Variants in CACNA1E observed in about 807,000 individuals in gnomAD.
CACNA1E encodes calcium voltage-gated channel subunit alpha1 E, also known as voltage-dependent R-type calcium channel subunit alpha-1E.
Under a neutral mutation model 259.2 loss-of-function variants are expected in CACNA1E, and 40 were observed. The ratio of observed to expected loss-of-function variants is 0.15; its 90% CI spans 0.12 to 0.20. CACNA1E has a LOEUF of 0.20. Ranked by LOEUF, CACNA1E falls within the 10% of genes least tolerant of loss-of-function variation. CACNA1E has a pLI of 1.00. For synonymous variants in CACNA1E, 1,104 were observed against 1,138.5 expected, an observed-to-expected ratio of 0.97 and a Z score of 0.61; for missense variants, 1,874 against 3,040.1, an observed-to-expected ratio of 0.62 and a Z score of 9.02.
At chr1:181,594,315 T>C (rs1652947276) in intron 6 of CACNA1E, among the ~76,000 whole-genome samples, 1 of 152,234 alleles carries the variant, frequency 6.6e-6, no homozygotes, top group Admixed American at 6.5e-5. Context: ...ATGTAACCTG[T>C]CATTGAAGAA....
rs1661525281 is a variant in CACNA1E, at chr1:181,793,673, G to A, written c.5907G>A (p.Glu1969=). The change falls in exon 45 of 48, where the codon GAG becomes GAA. Residue 1969 remains glutamate, a synonymous_variant. Coordinates refer to ENST00000367573, the MANE Select transcript of CACNA1E (RefSeq NM_001205293.3). ...TGTGTGTTTATTTCCAGGAGCCAGA[G>A]GTTAGTGAATTAAAAAGCGTGCAGC... The part of the protein sequence containing the change: ...QFQERQSLEP[E]VSELKSVQPS... 1.9e-6 allele frequency: 3 copies of A among 1,609,946 alleles called. No individual in the cohort carries two copies. The highest frequency in any genetic ancestry group is 2.5e-6 in the Non-Finnish European group (3 of 1,178,752).
chr1:181,524,588 C>T (rs1276633956), intron 3 of CACNA1E, among the ~76,000 whole-genome samples: 1 of 152,236 alleles, frequency 6.6e-6, no homozygotes, highest in Non-Finnish European at 1.5e-5. Flanking sequence ...TGGCTTCCCT[C>T]CACTTGGTGA....
At chr1:181,741,429 CCCT>C (rs1210465550) in intron 25 of CACNA1E, among the ~76,000 whole-genome samples, 4 of 152,162 alleles carry the variant, frequency 2.6e-5, no homozygotes, top group Non-Finnish European at 5.9e-5. Context: ...ATGTTGATTC[CCCT>C]CCTCATCCTT....
chr1:181,384,514 G>A (rs375885021), intron 1 of CACNA1E, among the ~76,000 whole-genome samples: 7 of 152,236 alleles, frequency 4.6e-5, no homozygotes, highest in Admixed American at 2.0e-4. Context: ...CAGGGTTCTC[G>A]TTTCTTCTCC....
At chr1:181,410,557 C>T (rs1017448936) in intron 1 of CACNA1E, among the ~76,000 whole-genome samples, 2 of 152,168 alleles carry the variant, frequency 1.3e-5, no homozygotes, top group African/African-American at 4.8e-5. Context: ...CAGGCTTTAT[C>T]ATGTATGCGC....
chr1:181,335,216 T>C (rs895907445), intron 1 of CACNA1E, among the ~76,000 whole-genome samples: 1 of 152,212 alleles, frequency 6.6e-6, no homozygotes, highest in Non-Finnish European at 1.5e-5. Flanking sequence ...ATCCACACTG[T>C]CTTTCCTCTG....
In CACNA1E at chr1:181,800,400, T is replaced by A. The variant is rs1662186282; in HGVS notation, c.*1566T>A. The A allele has an allele frequency of 6.6e-6, 1 of 152,646 alleles. No homozygotes were observed. Among genetic ancestry groups the A allele is most frequent in the African/African-American group, 2.4e-5 (1 of 41,456 alleles). The allele number at this position is 152,646 out of a possible 1,614,324, so 9.5% of individuals were successfully genotyped here. A position where few individuals can be genotyped will look rare whatever the true frequency, so the allele number is the denominator to read the frequency against. ...CCTAATAGCCCAAACGCAGAAGCAC[T>A]GAGCAAGAGAGCCCTTTCTTGCCAA... On this transcript the variant is annotated 3_prime_UTR_variant, in exon 48 of 48. Coordinates refer to ENST00000367573, the MANE Select transcript of CACNA1E (RefSeq NM_001205293.3).
In CACNA1E at chr1:181,733,565, C is replaced by T; in HGVS notation, c.3077C>T (p.Pro1026Leu). ...CACGTGGTGCTGACGGAGCAGGAGC[C>T]AGAAGGCAGCAGTGAGCAGGCCCTG... ...GKHVVLTEQE[P>L]EGSSEQALLG... is the part of the protein sequence containing the mutation. The change falls in exon 21 of 48, where the codon CCA (proline) becomes CTA (leucine). Residue 1026 changes from proline (P) to leucine (L), a missense_variant. Pro to Leu is a moderately conservative substitution (Grantham distance 98). This residue lies in a region of CACNA1E where 476 missense variants were observed against 514.0 expected (regional missense o/e 0.93). Coordinates refer to ENST00000367573, the MANE Select transcript of CACNA1E (RefSeq NM_001205293.3). 1 of 1,612,994 alleles carries T rather than the reference C, an allele frequency of 6.2e-7. No homozygotes were observed. Among genetic ancestry groups the T allele is most frequent in the Non-Finnish European group, 8.5e-7 (1 of 1,179,466 alleles).
chr1:181,547,049 C>T (rs13375076), intron 3 of CACNA1E, among the ~76,000 whole-genome samples: 13,322 of 152,206 alleles, frequency 0.088, 1,937 homozygotes, highest in African/African-American at 0.3. Context: ...ATTTTCTCCC[C>T]AGCTTCAGTC....
At chr1:181,622,030 A>G (rs1194123857) in intron 6 of CACNA1E, among the ~76,000 whole-genome samples, 3 of 152,158 alleles carry the variant, frequency 2.0e-5, no homozygotes, top group Admixed American at 2.0e-4. Flanking sequence ...GCCCCTGGCC[A>G]TAATAACTGT....
intron 2 of CACNA1E, among the ~76,000 whole-genome samples, chr1:181,475,834 C>T (rs1662809538): frequency 6.6e-6 from 1 of 152,044 alleles, no homozygotes; most frequent in Non-Finnish European, 1.5e-5. Flanking sequence ...TGCAGCTACC[C>T]CTAACTTCAT....
chr1:181,327,682 G>T (rs1650902529), intron 1 of CACNA1E, among the ~76,000 whole-genome samples: 1 of 152,226 alleles, frequency 6.6e-6, no homozygotes, highest in Non-Finnish European at 1.5e-5. Flanking sequence ...TCTAGGAAAG[G>T]TTCTGGGTTG....
chr1:181,408,930 C>A (rs1657656389), intron 1 of CACNA1E, among the ~76,000 whole-genome samples: 1 of 152,198 alleles, frequency 6.6e-6, no homozygotes, highest in African/African-American at 2.4e-5. Flanking sequence ...TCTCAGGAAG[C>A]TGCTCACCTG....
chr1:181,674,310 G>A (rs1030787477), intron 7 of CACNA1E, among the ~76,000 whole-genome samples: 2 of 148,332 alleles, frequency 1.3e-5, no homozygotes, highest in South Asian at 2.1e-4. Flanking sequence ...GCAGAATGGC[G>A]TGAACCTGGG....
intron 6 of CACNA1E, among the ~76,000 whole-genome samples, chr1:181,597,644 C>A (rs901252461): frequency 1.3e-5 from 2 of 152,126 alleles, no homozygotes; most frequent in Admixed American, 6.5e-5. Flanking sequence ...TGTATTAGTC[C>A]GTTTTCATGC....
chr1:181,684,938 T>A (rs936856078), intron 7 of CACNA1E, among the ~76,000 whole-genome samples: 4 of 151,854 alleles, frequency 2.6e-5, no homozygotes, highest in Middle Eastern at 3.4e-3. Context: ...TAATTCTGAT[T>A]TGTGATTGGA....
At chr1:181,500,658 T>A (rs1387076055) in intron 1 of CACNA1E, among the ~76,000 whole-genome samples, 1 of 152,236 alleles carries the variant, frequency 6.6e-6, no homozygotes, top group East Asian at 1.9e-4. Context: ...GAGCCCCTTA[T>A]TACAAGCTAG....
chr1:181,760,032 C>A, intron 32 of CACNA1E, among the ~76,000 whole-genome samples: 1 of 152,294 alleles, frequency 6.6e-6, no homozygotes, highest in Non-Finnish European at 1.5e-5. Flanking sequence ...CTACTACCAA[C>A]AAAGATGCCT....
At position 181,733,459 on chromosome 1, in the gene CACNA1E, A is replaced by C. The variant is rs779146705; in HGVS notation, c.2971A>C (p.Arg991=). Residue 991 remains arginine (R), a synonymous_variant, in exon 21 of 48, where the codon AGA becomes CGA. Coordinates refer to ENST00000367573, the MANE Select transcript of CACNA1E (RefSeq NM_001205293.3). The part of the protein sequence containing the change: ...LRRTNSLMVS[R]GSGLAGGLDE... ...CAGGACCAACAGTCTGATGGTGTCC[A>C]GAGGCTCCGGGCTGGCAGGAGGCCT... 4 of 1,546,650 alleles carry C rather than the reference A, an allele frequency of 2.6e-6. No homozygotes were observed. The highest frequency in any genetic ancestry group is 2.5e-5 in the South Asian group (2 of 79,626).
Sources: gnomAD v4.1 joint callset for allele counts (sites outside exome capture counted in the v4.1 genomes callset) on GRCh38, gnomAD v4.1.1 for gene constraint, gnomAD v4.1.1 regional missense constraint, MANE v1.5 for transcripts, NCBI Gene and HGNC (gene_info 2026-07-23, HGNC 2026-07-21) for gene names.